The following RARB variants were observed in gnomAD, a reference collection of about 807,000 sequenced individuals.
RARB encodes the protein retinoic acid receptor beta, also known as HBV-activated protein.
In RARB, 17 loss-of-function variants were observed where a neutral mutation model predicts 51.9. That is an observed-to-expected ratio of 0.33 (90% CI 0.22 to 0.49). The LOEUF (loss-of-function observed/expected upper bound fraction) is 0.49, where lower values mean the gene tolerates loss of function less well. Ranked by LOEUF, RARB falls within the 20% of genes least tolerant of loss-of-function variation. RARB has a pLI of 0.99. For synonymous variants in RARB, 215 were observed against 195.4 expected (o/e 1.10, Z -0.84); for missense variants, 369 against 550.8 (o/e 0.67, Z 3.30).
chr3:25,192,728 A>G (rs1701134733), intron 5 of RARB, among the ~76,000 whole-genome samples: 1 of 152,096 alleles, frequency 6.6e-6, no homozygotes, highest in African/African-American at 2.4e-5. Context: ...CACAAAACAC[A>G]CAGACACACA....
At chr3:25,569,961 C>T (rs765583131) in intron 4 of RARB, 43 bp downstream of exon 4, 65 of 1,545,426 alleles carry the variant, frequency 4.2e-5, no homozygotes, top group Non-Finnish European at 5.4e-5. Flanking sequence ...GTGTGGAAAC[C>T]TTGTACGTGC....
intron 5 of RARB, among the ~76,000 whole-genome samples, chr3:25,411,839 A>G (rs538582215): frequency 1.1e-3 from 164 of 152,314 alleles, no homozygotes; most frequent in Non-Finnish European, 1.7e-3. Context: ...AACTTCCAGC[A>G]AGTCAAAAGA....
At chr3:25,417,219 G>T (rs1411546821) in intron 5 of RARB, among the ~76,000 whole-genome samples, 2 of 149,682 alleles carry the variant, frequency 1.3e-5, no homozygotes, top group African/African-American at 2.5e-5. Context: ...AAAAACTGCT[G>T]CCTGTCTCTG....
At chr3:24,913,402 CTTTTTT>C (rs66779362) in intron 2 of RARB, among the ~76,000 whole-genome samples, 3 of 108,394 alleles carry the variant, frequency 2.8e-5, no homozygotes, top group Admixed American at 9.0e-5. Context: ...CTCTCTCTCT[CTTTTTT>C]TTTTTTTTTT....
At chr3:25,338,096 AAC>A (rs10523484) in intron 5 of RARB, among the ~76,000 whole-genome samples, 69,105 of 143,424 alleles carry the variant, frequency 0.48, 16,816 homozygotes, top group East Asian at 0.58. Context: ...CCAAACCCCC[AAC>A]ACACACACAC....
chr3:25,543,767 G>C (rs1257245590), intron 3 of RARB, among the ~76,000 whole-genome samples: 1 of 152,136 alleles, frequency 6.6e-6, no homozygotes, highest in African/African-American at 2.4e-5. Context: ...GCTCCCCACA[G>C]GGAGGAGCAA....
intron 5 of RARB, among the ~76,000 whole-genome samples, chr3:25,581,368 C>A (rs1701167698): frequency 6.6e-6 from 1 of 152,172 alleles, no homozygotes; most frequent in Non-Finnish European, 1.5e-5. Context: ...CATGGGCCTC[C>A]CTGCGTACAT....
At chr3:24,935,138 C>A (rs909231068) in intron 2 of RARB, among the ~76,000 whole-genome samples, 1 of 152,088 alleles carries the variant, frequency 6.6e-6, no homozygotes, top group African/African-American at 2.4e-5. Flanking sequence ...CAGTAATGTG[C>A]TGTAGCTGGC....
intron 5 of RARB, among the ~76,000 whole-genome samples, chr3:25,224,645 T>C (rs992788829): frequency 2.0e-5 from 3 of 152,192 alleles, no homozygotes; most frequent in South Asian, 4.1e-4. Flanking sequence ...TCTCACTCTT[T>C]TGCTCAGGCT....
intron 4 of RARB, among the ~76,000 whole-genome samples, chr3:25,160,990 C>T (rs762369087): frequency 6.6e-6 from 1 of 151,992 alleles, no homozygotes; most frequent in Non-Finnish European, 1.5e-5. Context: ...ACCAGATAAT[C>T]CAGTATCATC....
intron 3 of RARB, among the ~76,000 whole-genome samples, chr3:25,541,364 T>C (rs1699373270): frequency 6.6e-6 from 1 of 152,212 alleles, no homozygotes; most frequent in Non-Finnish European, 1.5e-5. Flanking sequence ...CTCAGTCTTT[T>C]TTCTGTCTTT....
In RARB at chr3:25,118,140, C is replaced by T. The variant is rs118026572; in HGVS notation, c.-327-14021C>T. Among the ~76,000 whole-genome samples the T allele has an allele frequency of 1.5e-3, 231 of 152,298 alleles. 1 individual carries two copies. In the East Asian group the frequency reaches 0.038, roughly 25 times the overall value. On this transcript the variant is annotated intron_variant, in intron 3 of 11. Coordinates refer to the RARB transcript ENST00000383772. ...GACCAAAGAGAAATTTCTCCAATAA[C>T]TTTTTCTAGAGAGGACACTGTATAA...
chr3:25,487,844 C>G (rs566336816), intron 2 of RARB, among the ~76,000 whole-genome samples: 14 of 152,260 alleles, frequency 9.2e-5, no homozygotes, highest in African/African-American at 2.9e-4. Context: ...TTCTAATGTG[C>G]CTCTTGTAGC....
At chr3:25,492,517 C>G (rs1486241213) in intron 2 of RARB, among the ~76,000 whole-genome samples, 2 of 152,156 alleles carry the variant, frequency 1.3e-5, no homozygotes. Flanking sequence ...AGAACATGGG[C>G]CACCTTTTTG....
rs529764881 is a variant in RARB at position 25,220,705 on chromosome 3, C to T, written c.178+46130C>T. Among the ~76,000 whole-genome samples the T allele has an allele frequency of 3.1e-4, 47 of 152,304 alleles. 1 individual carries two copies. The South Asian group carries it at 4.6e-3, about 15-fold the overall frequency. ...TGCCTTCCACCATGATTGTAAGTTTCCTGAGGCCTCCCAAGCCATACAGAA... is the reference window on the plus strand; with the variant it reads ...TGCCTTCCACCATGATTGTAAGTTTTCTGAGGCCTCCCAAGCCATACAGAA... On this transcript the variant is annotated intron_variant, in intron 5 of 11. Transcript: ENST00000383772.
intron 2 of RARB, among the ~76,000 whole-genome samples, chr3:24,952,861 A>C (rs1021558360): frequency 6.6e-6 from 1 of 150,462 alleles, no homozygotes; most frequent in East Asian, 1.9e-4. Context: ...ACAACCCCCA[A>C]CAGTAAAACT....
chr3:25,412,000 G>A (rs1575381649), intron 5 of RARB, among the ~76,000 whole-genome samples: 1 of 152,284 alleles, frequency 6.6e-6, no homozygotes, highest in East Asian at 1.9e-4. Context: ...CACCCATTCT[G>A]ATTTTAAACA....
At chr3:25,369,952 T>A (rs9860987) in intron 5 of RARB, among the ~76,000 whole-genome samples, 1 of 151,816 alleles carries the variant, frequency 6.6e-6, no homozygotes, top group Admixed American at 6.6e-5. Flanking sequence ...TCACATAGTT[T>A]GGAATAGTGA....
Position 24,916,767 on chromosome 3 carries a change from C to CAAAA in RARB, c.-380+58031_-380+58034dup, listed in dbSNP as rs386396164. On this transcript the variant is annotated intron_variant, in intron 2 of 11. Coordinates refer to the RARB transcript ENST00000383772. Reference sequence around the variant, plus strand: ...GTCTCATTTCTATGTGTTTGCTGTTCAAAAAAAAAAAAAAAAAAACCTTGT... The same window carrying CAAAA: ...GTCTCATTTCTATGTGTTTGCTGTTCAAAAAAAAAAAAAAAAAAAAAAACCTTGT... Among the ~76,000 whole-genome samples, 419 of 112,494 alleles carry CAAAA rather than the reference C, an allele frequency of 3.7e-3. 4 individuals are homozygous for CAAAA. The highest frequency in any genetic ancestry group is 9.8e-3 in the African/African-American group (304 of 30,896). The allele number at this position is 112,494 out of a possible 152,430, so 73.8% of individuals were successfully genotyped here.
Sources: gnomAD v4.1 joint callset for allele counts (sites outside exome capture counted in the v4.1 genomes callset) on GRCh38, gnomAD v4.1.1 for gene constraint, MANE v1.5 for transcripts, NCBI Gene and HGNC (gene_info 2026-07-23, HGNC 2026-07-21) for gene names.